WDFY2: variants seen among roughly 807,000 people sequenced by gnomAD.
The protein encoded by WDFY2 is WD repeat and FYVE domain containing 2, also known as WD repeat and FYVE domain-containing protein 2.
A neutral mutation model predicts 56.4 loss-of-function variants in WDFY2; 36 were observed. That is an observed-to-expected ratio of 0.64 (90% CI 0.49 to 0.84). The LOEUF is 0.84. Among genes scored for constraint, WDFY2 ranks in the 40% least tolerant of loss-of-function variants. The probability of loss-of-function intolerance (pLI) is 0.00; values close to 1 mark genes in which losing one functional copy is unlikely to be tolerated. For missense variants in WDFY2, 444 were observed against 512.2 expected (o/e 0.87, Z 1.29); for synonymous variants, 176 against 183.7 (o/e 0.96, Z 0.34).
At chr13:51,731,009 T>G (rs533823231) in intron 6 of WDFY2, among the ~76,000 whole-genome samples, 35 of 152,244 alleles carry the variant, frequency 2.3e-4, no homozygotes, top group Non-Finnish European at 4.4e-4. Context: ...TGATTGGATT[T>G]TAAAAGGTTG....
In WDFY2 at chr13:51,763,299, G is replaced by T. The variant is rs79921989; in HGVS notation, c.*3530G>T. On this transcript the variant is annotated 3_prime_UTR_variant, in exon 12 of 12. Coordinates refer to ENST00000298125, the MANE Select transcript of WDFY2 (RefSeq NM_052950.4). ...GAAAGCATATATGACAGTTTTTTTG[G>T]CTCCGGCCCTGTGGTGGGGGAGGTA... The T allele has an allele frequency of 6.6e-5, 10 of 152,024 alleles. No individual in the cohort carries two copies. The highest frequency in any genetic ancestry group is 2.4e-4 in the African/African-American group (10 of 41,366). The allele number at this position is 152,024 out of a possible 1,614,324, so 9.4% of individuals were successfully genotyped here.
intron 2 of WDFY2, among the ~76,000 whole-genome samples, chr13:51,669,418 C>T (rs1247303562): frequency 6.6e-6 from 1 of 152,096 alleles, no homozygotes. Flanking sequence ...CCAGTCAGAT[C>T]TAAAGTCTTG....
chr13:51,616,897 C>T (rs867699147), intron 1 of WDFY2, among the ~76,000 whole-genome samples: 1 of 152,174 alleles, frequency 6.6e-6, no homozygotes, highest in Admixed American at 6.5e-5. Flanking sequence ...CAGTCACTTA[C>T]ACCAAGCTAG....
intron 3 of WDFY2, among the ~76,000 whole-genome samples, chr13:51,682,660 C>T (rs1391725142): frequency 6.6e-6 from 1 of 152,004 alleles, no homozygotes. Flanking sequence ...AATAGTTGTA[C>T]CAATTTTATA....
chr13:51,730,592 G>A (rs960388245), intron 6 of WDFY2, among the ~76,000 whole-genome samples: 1 of 152,124 alleles, frequency 6.6e-6, no homozygotes, highest in East Asian at 1.9e-4. Flanking sequence ...CTAGTGCATC[G>A]TGGCAAGGGC....
intron 8 of WDFY2, among the ~76,000 whole-genome samples, chr13:51,752,577 T>C (rs1953262760): frequency 6.6e-6 from 1 of 152,208 alleles, no homozygotes; most frequent in South Asian, 2.1e-4. Context: ...CCCAATTCTT[T>C]TCCTTTGGTG....
intron 1 of WDFY2, among the ~76,000 whole-genome samples, chr13:51,613,650 G>A (rs942370912): frequency 3.3e-5 from 5 of 151,930 alleles, no homozygotes; most frequent in Non-Finnish European, 7.4e-5. Context: ...ACTCAGTCTT[G>A]TATAATTGTT....
At chr13:51,654,008 A>C (rs1423279938) in intron 1 of WDFY2, among the ~76,000 whole-genome samples, 4 of 152,334 alleles carry the variant, frequency 2.6e-5, no homozygotes, top group Admixed American at 6.5e-5. Context: ...CCAGAGGTGG[A>C]GTCTACAGAG....
At chr13:51,675,514 GA>G (rs1356936498) in intron 3 of WDFY2, among the ~76,000 whole-genome samples, 1 of 152,222 alleles carries the variant, frequency 6.6e-6, no homozygotes, top group East Asian at 1.9e-4. Context: ...TAAACTGCAT[GA>G]ATCTGCATTA....
At chr13:51,642,967 C>T (rs113402957) in intron 1 of WDFY2, among the ~76,000 whole-genome samples, 7,756 of 152,208 alleles carry the variant, frequency 0.051, 245 homozygotes, top group Middle Eastern at 0.085. Context: ...TGAGGCACTG[C>T]GCCCAGCCAT....
In WDFY2 at chr13:51,626,832, C is replaced by T. The variant is rs564482562; in HGVS notation, c.138-33764C>T. On this transcript the variant is annotated intron_variant, in intron 1 of 11. Coordinates refer to ENST00000298125, the MANE Select transcript of WDFY2 (RefSeq NM_052950.4). ...CCAGGAACCTCTGTGGCCAGTGGTG[C>T]CTTCTGCCTGAGTAATGCTCATGCC... 2.6e-5 allele frequency among the ~76,000 whole-genome samples: 4 copies of T among 152,284 alleles called. No homozygotes were observed. In the East Asian group the frequency reaches 7.7e-4, roughly 29 times the overall value.
rs773657708 is a variant in WDFY2 at position 51,584,659 on chromosome 13, G to T, written c.-29G>T. The T allele has an allele frequency of 1.9e-6, 3 of 1,599,346 alleles. No homozygotes were observed. Among genetic ancestry groups the T allele is most frequent in the East Asian group, 2.2e-5 (1 of 44,598 alleles). ...GCCCGGCCCCGCGGCGCGGTTGGCGGCGGCGCCCCAGGCGCGCCCCCTCCT... is the reference window on the plus strand; with the variant it reads ...GCCCGGCCCCGCGGCGCGGTTGGCGTCGGCGCCCCAGGCGCGCCCCCTCCT... On this transcript the variant is annotated 5_prime_UTR_variant, in exon 1 of 12. Coordinates refer to ENST00000298125, the MANE Select transcript of WDFY2 (RefSeq NM_052950.4).
At chr13:51,644,322 G>C (rs185153801) in intron 1 of WDFY2, among the ~76,000 whole-genome samples, 3 of 152,156 alleles carry the variant, frequency 2.0e-5, no homozygotes, top group Non-Finnish European at 2.9e-5. Flanking sequence ...CCTCTCGAGG[G>C]TCTTACTACT....
intron 1 of WDFY2, among the ~76,000 whole-genome samples, chr13:51,600,803 C>T (rs943091947): frequency 1.3e-5 from 2 of 152,186 alleles, no homozygotes; most frequent in Non-Finnish European, 2.9e-5. Flanking sequence ...GAGATGAGCC[C>T]ATGCCCTTTT....
At chr13:51,650,846 A>G (rs542260427) in intron 1 of WDFY2, among the ~76,000 whole-genome samples, 33 of 152,278 alleles carry the variant, frequency 2.2e-4, no homozygotes, top group African/African-American at 7.5e-4. Context: ...TTGGATCGAC[A>G]TTCATCAGGG....
intron 3 of WDFY2, among the ~76,000 whole-genome samples, chr13:51,683,382 G>A (rs1477569534): frequency 2.6e-5 from 4 of 152,078 alleles, no homozygotes; most frequent in Non-Finnish European, 5.9e-5. Flanking sequence ...AATATTCTCT[G>A]TATACACAAA....
intron 6 of WDFY2, 23 bp from the exon 7 acceptor site, chr13:51,739,026 T>C: frequency 6.5e-7 from 1 of 1,543,430 alleles, no homozygotes; most frequent in Non-Finnish European, 8.7e-7. Flanking sequence ...GTGACTGATG[T>C]CTGGTTGTGT....
chr13:51,588,361 A>T (rs73494111), intron 1 of WDFY2: 2 of 152,332 alleles, frequency 1.3e-5, no homozygotes, highest in African/African-American at 4.8e-5. Flanking sequence ...TCCAGGTGGG[A>T]CCAGTCCCAT....
Position 51,759,883 on chromosome 13 carries a change from C to A in WDFY2, c.*114C>A, listed in dbSNP as rs531897153. ...TGAGAAGTAAGAAAGAAACTAAAGA[C>A]CCTGAATGAATTTGCAGATTACCCA... On this transcript the variant is annotated 3_prime_UTR_variant, in exon 12 of 12. Coordinates refer to ENST00000298125, the MANE Select transcript of WDFY2 (RefSeq NM_052950.4). 50 of 1,228,968 alleles carry A rather than the reference C, an allele frequency of 4.1e-5. No individual in the cohort carries two copies. The highest frequency in any genetic ancestry group is 5.5e-5 in the Non-Finnish European group (47 of 860,778). The allele number at this position is 1,228,968 out of a possible 1,614,324, so 76.1% of individuals were successfully genotyped here.
Sources: gnomAD v4.1 joint callset for allele counts (sites outside exome capture counted in the v4.1 genomes callset) on GRCh38, gnomAD v4.1.1 for gene constraint, MANE v1.5 for transcripts, NCBI Gene and HGNC (gene_info 2026-07-23, HGNC 2026-07-21) for gene names.